CLRN3: variants seen among roughly 807,000 people sequenced by gnomAD.
The protein encoded by CLRN3 is clarin 3.
In CLRN3, 12 loss-of-function variants were observed where a neutral mutation model predicts 16.7. That is an observed-to-expected ratio of 0.72 (90% CI 0.46 to 1.16). CLRN3 has a LOEUF of 1.16. Ranked by LOEUF, CLRN3 falls within the 50% of genes most tolerant of loss-of-function variation. The pLI is 0.00. For missense variants in CLRN3, 296 were observed against 274.2 expected, an observed-to-expected ratio of 1.08 and a Z score of -0.56; for synonymous variants, 118 against 113.0, an observed-to-expected ratio of 1.04 and a Z score of -0.28.
chr10:127,887,970 G>T (rs541467181), intron 1 of CLRN3, among the ~76,000 whole-genome samples: 1 of 152,322 alleles, frequency 6.6e-6, no homozygotes, highest in South Asian at 2.1e-4. Context: ...GAAACGTGCT[G>T]TTGGGCAGTG....
At position 127,878,229 on chromosome 10, in the gene CLRN3, A is replaced by G; in HGVS notation, c.601T>C (p.Tyr201His). ...TTCCGCTGGTATCTGGCCTTCTGGT[A>G]GAAAATGATGATGGTTACAGTGACT... is the stretch of plus-strand genomic sequence containing the variant. ...NIVTVTIIIF[Y>H]QKARYQRKQE... Residue 201 changes from tyrosine to histidine, a missense_variant, in exon 3 of 3, where the codon TAC (tyrosine) becomes CAC (histidine). By Grantham distance (83) the Tyr-to-His change is moderately conservative (BLOSUM62 2). Coordinates refer to ENST00000368671, the MANE Select transcript of CLRN3 (RefSeq NM_152311.5). 1 of 1,614,224 alleles carries G rather than the reference A, an allele frequency of 6.2e-7. No individual in the cohort carries two copies. The highest frequency in any genetic ancestry group is 8.5e-7 in the Non-Finnish European group (1 of 1,180,036).
At chr10:127,879,171 A>G (rs1024452686) in intron 2 of CLRN3, among the ~76,000 whole-genome samples, 1 of 152,292 alleles carries the variant, frequency 6.6e-6, no homozygotes, top group African/African-American at 2.4e-5. Flanking sequence ...GTGCAGTGGT[A>G]CAATCTCAGC....
intron 2 of CLRN3, among the ~76,000 whole-genome samples, chr10:127,879,575 A>T (rs1221887902): frequency 2.0e-5 from 3 of 151,844 alleles, no homozygotes; most frequent in Non-Finnish European, 2.9e-5. Flanking sequence ...CAAAAAAAAA[A>T]ATGTAGATTA....
intron 2 of CLRN3, among the ~76,000 whole-genome samples, chr10:127,880,141 C>T (rs1845110438): frequency 6.6e-6 from 1 of 152,194 alleles, no homozygotes; most frequent in Admixed American, 6.5e-5. Context: ...AGCCCTGACC[C>T]TCTGAAGCTC....
intron 1 of CLRN3, among the ~76,000 whole-genome samples, chr10:127,887,942 T>C (rs529302609): frequency 2.0e-5 from 3 of 151,940 alleles, no homozygotes; most frequent in African/African-American, 7.2e-5. Flanking sequence ...GGCCCGCAGA[T>C]CCCGCACCTG....
chr10:127,892,504 A>G, intron 1 of CLRN3, 52 bp downstream of exon 1: 1 of 1,001,904 alleles, frequency 1.0e-6, no homozygotes, highest in South Asian at 1.3e-5. Context: ...ATAGAATGAC[A>G]TAAACCTTAA....
At chr10:127,888,718 C>A (rs1352047200) in intron 1 of CLRN3, among the ~76,000 whole-genome samples, 14 of 152,134 alleles carry the variant, frequency 9.2e-5, no homozygotes, top group Admixed American at 9.2e-4. Flanking sequence ...GGGAGCTGAG[C>A]TTTCCCTCAG....
intron 2 of CLRN3, 75 bp downstream of exon 2, chr10:127,883,621 G>T: frequency 9.6e-7 from 1 of 1,037,538 alleles, no homozygotes; most frequent in Non-Finnish European, 1.5e-6. Flanking sequence ...GTTCATGCAT[G>T]TGTGAGAGGC....
At chr10:127,885,522 C>T (rs1163309395) in intron 1 of CLRN3, among the ~76,000 whole-genome samples, 1 of 152,156 alleles carries the variant, frequency 6.6e-6, no homozygotes, top group Non-Finnish European at 1.5e-5. Context: ...CTGCAAAGTT[C>T]CTGCCAGCCT....
chr10:127,880,409 CTGG>C (rs1564777725), intron 2 of CLRN3, among the ~76,000 whole-genome samples: 1 of 152,096 alleles, frequency 6.6e-6, no homozygotes, highest in Non-Finnish European at 1.5e-5. Context: ...TTTATAGGGG[CTGG>C]AGGAAGCCCC....
chr10:127,891,818 T>C (rs774300719), intron 1 of CLRN3, among the ~76,000 whole-genome samples: 3 of 152,226 alleles, frequency 2.0e-5, no homozygotes, highest in Non-Finnish European at 2.9e-5. Context: ...GCATACAACA[T>C]TGTTCAAAAC....
At chr10:127,888,807 G>C (rs1021223095) in intron 1 of CLRN3, among the ~76,000 whole-genome samples, 1 of 152,094 alleles carries the variant, frequency 6.6e-6, no homozygotes, top group African/African-American at 2.4e-5. Context: ...CACATCCAAA[G>C]GACTTAAAAA....
chr10:127,886,229 A>G (rs1845192337), intron 1 of CLRN3, among the ~76,000 whole-genome samples: 3 of 152,354 alleles, frequency 2.0e-5, no homozygotes, highest in Middle Eastern at 3.4e-3. Flanking sequence ...CCCCTTGGAC[A>G]GGAGGACGTC....
At chr10:127,880,584 C>T (rs1390716234) in intron 2 of CLRN3, among the ~76,000 whole-genome samples, 7 of 152,174 alleles carry the variant, frequency 4.6e-5, no homozygotes, top group Non-Finnish European at 5.9e-5. Context: ...TCTCTGGCTC[C>T]AAGCTTCTCT....
intron 1 of CLRN3, among the ~76,000 whole-genome samples, chr10:127,886,623 T>A (rs895453918): frequency 2.6e-5 from 4 of 152,182 alleles, no homozygotes; most frequent in Non-Finnish European, 5.9e-5. Context: ...TGGATACGCC[T>A]CACAGCGGTT....
rs563005635 is a variant in CLRN3 at position 127,888,946 on chromosome 10, C to T, written c.229+3610G>A. The stretch of plus-strand genomic sequence containing the variant: ...ACGAGCAGGTCAGGGCCTCACCCCG[C>T]GGAGATTGCTATTCATTTGGTCCAG... On this transcript the variant is annotated intron_variant, in intron 1 of 2. Transcript: ENST00000368671. Among the ~76,000 whole-genome samples, 9 of 152,246 alleles carry T rather than the reference C, an allele frequency of 5.9e-5. 1 individual carries two copies. The highest frequency in any genetic ancestry group is 1.9e-4 in the African/African-American group (8 of 41,536).
chr10:127,889,007 A>ACCTT (rs919490725), intron 1 of CLRN3, among the ~76,000 whole-genome samples: 3 of 152,178 alleles, frequency 2.0e-5, no homozygotes, highest in African/African-American at 7.2e-5. Flanking sequence ...AGGTGAGTCT[A>ACCTT]CCTTCCGCTG....
chr10:127,885,807 G>A (rs1055903827), intron 1 of CLRN3, among the ~76,000 whole-genome samples: 4 of 151,660 alleles, frequency 2.6e-5, no homozygotes, highest in Admixed American at 2.0e-4. Context: ...CCAGGCTGGA[G>A]CGCAATGGTG....
At chr10:127,881,746 AT>A (rs1845131016) in intron 2 of CLRN3, among the ~76,000 whole-genome samples, 1 of 152,096 alleles carries the variant, frequency 6.6e-6, no homozygotes. Context: ...GAAATGAGAA[AT>A]TTTTTTCTCC....
Sources: gnomAD v4.1 joint callset for allele counts (sites outside exome capture counted in the v4.1 genomes callset) on GRCh38, gnomAD v4.1.1 for gene constraint, MANE v1.5 for transcripts, NCBI Gene and HGNC (gene_info 2026-07-23, HGNC 2026-07-21) for gene names.